The following CFAP61 variants were observed in gnomAD, a reference collection of about 807,000 sequenced individuals.
The protein encoded by CFAP61 is cilia and flagella associated protein 61.
Under a neutral mutation model 135.6 loss-of-function variants are expected in CFAP61, and 107 were observed. That is an observed-to-expected ratio of 0.79 (90% CI 0.67 to 0.93). The LOEUF is 0.93. CFAP61 is among the 40% of genes least tolerant of loss of function. CFAP61 has a pLI of 0.00. For synonymous variants in CFAP61, 575 were observed against 578.5 expected, an observed-to-expected ratio of 0.99 and a Z score of 0.09; for missense variants, 1,507 against 1,556.2, an observed-to-expected ratio of 0.97 and a Z score of 0.53.
chr20:20,194,370 C>T lies in CFAP61; in HGVS notation c.1591-2200C>T, dbSNP rs115784953. 1.7e-3 allele frequency among the ~76,000 whole-genome samples: 263 copies of T among 152,208 alleles called. 2 individuals are homozygous for T. The highest frequency in any genetic ancestry group is 5.8e-3 in the African/African-American group (243 of 41,544). On this transcript the variant is annotated intron_variant, in intron 15 of 26. Transcript: ENST00000245957. ...TTTCAGAGTTCACCTATTTAACTTC[C>T]GAGTCTCTTTCTTGTTCTCTTATTG...
At chr20:20,192,709 G>C (rs139716736) in intron 15 of CFAP61, among the ~76,000 whole-genome samples, 30 of 152,150 alleles carry the variant, frequency 2.0e-4, no homozygotes, top group Non-Finnish European at 4.0e-4. Flanking sequence ...TTCCTGATGA[G>C]ACCCTGACCT....
intron 22 of CFAP61, among the ~76,000 whole-genome samples, chr20:20,288,396 TGAGTGAATAA>T (rs2054749220): frequency 6.6e-6 from 1 of 152,152 alleles, no homozygotes; most frequent in Non-Finnish European, 1.5e-5. Flanking sequence ...ATGAGTGAAT[TGAGTGAATAA>T]GAGTGACATT....
At chr20:20,133,737 T>C (rs533628045) in intron 8 of CFAP61, among the ~76,000 whole-genome samples, 26 of 152,358 alleles carry the variant, frequency 1.7e-4, no homozygotes, top group Admixed American at 9.1e-4. Flanking sequence ...GGAAATGGTA[T>C]CTGTTTTCCT....
intron 21 of CFAP61, among the ~76,000 whole-genome samples, chr20:20,271,846 ATC>A (rs1342698168): frequency 1.7e-4 from 26 of 152,292 alleles, no homozygotes; most frequent in African/African-American, 6.3e-4. Context: ...GTCATTTCTC[ATC>A]TGTTAGGTAA....
At chr20:20,295,511 A>G (rs969022186) in intron 24 of CFAP61, among the ~76,000 whole-genome samples, 17 of 152,134 alleles carry the variant, frequency 1.1e-4, no homozygotes, top group Admixed American at 9.2e-4. Context: ...TTTTTCACCA[A>G]TCATCCCTTA....
At chr20:20,296,330 T>TCCTTCCTTCCTTCCTTCCCTCCTTC (rs1438602255) in intron 24 of CFAP61, among the ~76,000 whole-genome samples, 1 of 39,524 alleles carries the variant, frequency 2.5e-5, no homozygotes, top group Non-Finnish European at 5.1e-5. Flanking sequence ...TTCCTTCCCT[T>TCCTTCCTTCCTTCCTTCCCTCCTTC]CCTTCCTTCC....
chr20:20,318,193 C>T (rs2057248988), intron 25 of CFAP61, among the ~76,000 whole-genome samples: 2 of 152,100 alleles, frequency 1.3e-5, no homozygotes, highest in Non-Finnish European at 2.9e-5. Context: ...GACACATGAA[C>T]GAATGTGACC....
Position 20,107,796 on chromosome 20 carries a change from T to G in CFAP61, c.859+8982T>G, listed in dbSNP as rs546199879. On this transcript the variant is annotated intron_variant, in intron 8 of 26. Transcript: ENST00000245957. Reference sequence around the variant, plus strand: ...GGTATGTGCCACCATACCTTGCTAATTTTTACATTTTTTTGGAGACAGGGT... The same window carrying G: ...GGTATGTGCCACCATACCTTGCTAAGTTTTACATTTTTTTGGAGACAGGGT... 13 of 152,198 alleles carry G rather than the reference T, an allele frequency of 8.5e-5. No individual in the cohort carries two copies. The East Asian group carries it at 2.5e-3, about 29-fold the overall frequency. 9.4% of individuals were successfully genotyped at this position (152,198 alleles called of 1,614,324 possible). A position where few individuals can be genotyped will look rare whatever the true frequency, so the allele number is the denominator to read the frequency against.
At chr20:20,330,314 C>G (rs996204280) in intron 25 of CFAP61, among the ~76,000 whole-genome samples, 1 of 152,052 alleles carries the variant, frequency 6.6e-6, no homozygotes, top group African/African-American at 2.4e-5. Context: ...GGAGGTACAT[C>G]TCAATTCAGA....
intron 25 of CFAP61, among the ~76,000 whole-genome samples, chr20:20,337,344 G>A (rs1333718722): frequency 2.4e-3 from 29 of 11,890 alleles, no homozygotes; most frequent in African/African-American, 4.7e-3. Flanking sequence ...ATGGATAGAT[G>A]GGTGGGTGGG....
intron 22 of CFAP61, among the ~76,000 whole-genome samples, chr20:20,281,297 G>C (rs914493979): frequency 1.3e-5 from 2 of 152,062 alleles, no homozygotes; most frequent in Non-Finnish European, 1.5e-5. Flanking sequence ...TAAAAGTGGG[G>C]GAAATAGACA....
intron 21 of CFAP61, among the ~76,000 whole-genome samples, chr20:20,271,055 G>A (rs1015077062): frequency 2.0e-5 from 3 of 152,150 alleles, no homozygotes; most frequent in African/African-American, 7.2e-5. Flanking sequence ...ACCTTGAGAG[G>A]CCAAGGTGAG....
intron 22 of CFAP61, among the ~76,000 whole-genome samples, chr20:20,284,262 T>A (rs1346490963): frequency 2.9e-5 from 2 of 69,204 alleles, no homozygotes; most frequent in East Asian, 2.9e-4. Flanking sequence ...TTATTTTATT[T>A]TATTTTATTT....
intron 7 of CFAP61, among the ~76,000 whole-genome samples, chr20:20,095,339 C>G (rs575214129): frequency 6.6e-6 from 1 of 152,318 alleles, no homozygotes; most frequent in East Asian, 1.9e-4. Context: ...GCACACGTTA[C>G]TTTAAGGCAA....
At chr20:20,182,841 G>A (rs1463869299) in intron 13 of CFAP61, among the ~76,000 whole-genome samples, 2 of 152,220 alleles carry the variant, frequency 1.3e-5, no homozygotes, top group Admixed American at 1.3e-4. Flanking sequence ...CACATACTGT[G>A]AAAATGCTTT....
At chr20:20,254,874 T>C (rs2051400209) in intron 20 of CFAP61, among the ~76,000 whole-genome samples, 1 of 152,226 alleles carries the variant, frequency 6.6e-6, no homozygotes, top group African/African-American at 2.4e-5. Context: ...TCGCTATTTC[T>C]TATTACAAAA....
intron 25 of CFAP61, among the ~76,000 whole-genome samples, chr20:20,319,169 T>C (rs2122232956): frequency 6.6e-6 from 1 of 152,340 alleles, no homozygotes; most frequent in South Asian, 2.1e-4. Context: ...TACATAGTTC[T>C]GCATTGCTCC....
chr20:20,227,732 T>A (rs1017472933), intron 17 of CFAP61, among the ~76,000 whole-genome samples: 3 of 152,220 alleles, frequency 2.0e-5, no homozygotes, highest in African/African-American at 7.2e-5. Flanking sequence ...TTACAAATAT[T>A]ATTGAGCATC....
At chr20:20,055,577 G>A (rs532055672) in intron 1 of CFAP61, among the ~76,000 whole-genome samples, 3 of 152,102 alleles carry the variant, frequency 2.0e-5, no homozygotes, top group South Asian at 2.1e-4. Context: ...TCCCTCGCTC[G>A]CTTTCTTTCT....
Sources: allele counts gnomAD v4.1 joint callset (sites outside exome capture counted in the v4.1 genomes callset), GRCh38; gene constraint gnomAD v4.1.1; transcripts MANE v1.5; gene names NCBI Gene and HGNC (gene_info 2026-07-23, HGNC 2026-07-21).